The following SH2B1 variants were observed in gnomAD, a reference collection of about 807,000 sequenced individuals.
SH2B1 encodes the protein SH2B adapter protein 1.
A neutral mutation model predicts 62.6 loss-of-function variants in SH2B1; 15 were observed. The ratio of observed to expected loss-of-function variants is 0.24; its 90% CI spans 0.16 to 0.37. The LOEUF (loss-of-function observed/expected upper bound fraction) is 0.37. Ranked by LOEUF, SH2B1 falls within the 10% of genes least tolerant of loss-of-function variation. The pLI is 1.00. For missense variants in SH2B1, 925 were observed against 1,015.6 expected, an observed-to-expected ratio of 0.91 and a Z score of 1.21; for synonymous variants, 443 against 438.0, an observed-to-expected ratio of 1.01 and a Z score of -0.14.
chr16:28,870,916 G>A (rs1232881142), intron 4 of SH2B1, among the ~76,000 whole-genome samples: 1 of 151,730 alleles, frequency 6.6e-6, no homozygotes, highest in Admixed American at 6.6e-5. Context: ...TGAACTCCTG[G>A]GCTCAAGTCA....
At position 28,866,456 on chromosome 16, in the gene SH2B1, G is replaced by C; in HGVS notation, c.362G>C (p.Gly121Ala). ...CRVGGPLAVLGPSRSSEDLAG... is the reference protein window; with the variant it reads ...CRVGGPLAVLAPSRSSEDLAG... ...GTGGGTGGGCCCCTGGCTGTGCTGG[G>C]CCCTTCTCGATCATCTGAGGACCTG... is the stretch of plus-strand genomic sequence containing the variant. Residue 121 changes from glycine to alanine, a missense_variant, in exon 1 of 8, where the codon GGC becomes GCC. Physicochemically the swap from Gly to Ala is moderately conservative, Grantham distance 60. This residue lies in a region of SH2B1 where 683 missense variants were observed against 704.0 expected (regional missense o/e 0.97). Transcript: ENST00000684370. This position sits in a 1 kb window ranked among gnomAD's most constrained non-coding sequence, Gnocchi z 6.3. 6.2e-7 allele frequency: 1 copy of C among 1,613,848 alleles called. No individual in the cohort carries two copies. The highest frequency in any genetic ancestry group is 8.5e-7 in the Non-Finnish European group (1 of 1,179,992).
chr16:28,864,240 A>G lies in SH2B1; in HGVS notation c.-1855A>G. 3 of 1,018,952 alleles carry G rather than the reference A, an allele frequency of 2.9e-6. No homozygotes were observed. Among genetic ancestry groups the G allele is most frequent in the South Asian group, 3.7e-5 (1 of 27,386 alleles). The allele number at this position is 1,018,952 out of a possible 1,614,324, so 63.1% of individuals were successfully genotyped here. On this transcript the variant is annotated 5_prime_UTR_variant, in exon 1 of 8. Coordinates refer to ENST00000684370, the MANE Select transcript of SH2B1 (RefSeq NM_001387430.1). ...CACCCTCCACCTCCCGCCCTTCGGG[A>G]AATATCAGAACTGAGCCAGGAGGCA...
At chr16:28,868,600 C>CA (rs1268697027) in intron 2 of SH2B1, among the ~76,000 whole-genome samples, 1 of 152,094 alleles carries the variant, frequency 6.6e-6, no homozygotes, top group African/African-American at 2.4e-5. Context: ...GCTGGGACTA[C>CA]AGGCGCCTGC....
In SH2B1 at chr16:28,852,758, GTATATATATATTTA is replaced by G. The variant is rs1234891699; in HGVS notation, c.-301+5941_-301+5954del. On this transcript the variant is annotated intron_variant, in intron 1 of 10. Transcript: ENST00000322610. ...TACATATATATATTTACATATATAT[GTATATATATATTTA>G]TATATATATTTACATATATATTTAC... Among the ~76,000 whole-genome samples the G allele has an allele frequency of 5.0e-3, 189 of 37,974 alleles. 11 individuals are homozygous for G. The highest frequency in any genetic ancestry group is 8.2e-3 in the East Asian group (17 of 2,076). 24.9% of individuals were successfully genotyped at this position (37,974 alleles called of 152,430 possible).
upstream of SH2B1, chr16:28,863,547 A>T: frequency 1.2e-6 from 1 of 828,096 alleles, no homozygotes; most frequent in Non-Finnish European, 1.8e-6. Flanking sequence ...GGGCCCTGGG[A>T]CTCTATCCCC....
chr16:28,860,728 C>A (rs1962424750), upstream of SH2B1, among the ~76,000 whole-genome samples: 1 of 152,172 alleles, frequency 6.6e-6, no homozygotes, highest in African/African-American at 2.4e-5. Flanking sequence ...GCCCATTTCC[C>A]CCCGACACAC....
chr16:28,870,368 A>C (rs1962961978), intron 4 of SH2B1, among the ~76,000 whole-genome samples: 1 of 152,130 alleles, frequency 6.6e-6, no homozygotes, highest in African/African-American at 2.4e-5. Flanking sequence ...GGAGGAAGAG[A>C]GCAGGGGAAG....
At chr16:28,853,152 A>G (rs1198851842) in intron 1 of SH2B1, among the ~76,000 whole-genome samples, 1 of 134,544 alleles carries the variant, frequency 7.4e-6, no homozygotes, top group African/African-American at 2.8e-5. Flanking sequence ...AAATATATAT[A>G]AATGTATATA....
chr16:28,865,623 A>G lies in SH2B1; in HGVS notation c.-472A>G. ...GAGGTCTTTGAAACCTCTCAGGGAA[A>G]GGTAAGATAACCAAGTGGGAGCCTC... is the stretch of plus-strand genomic sequence containing the variant. On this transcript the variant is annotated 5_prime_UTR_variant, in exon 1 of 8. Transcript: ENST00000684370. 1.0e-6 allele frequency: 1 copy of G among 987,952 alleles called. No homozygotes were observed. Among genetic ancestry groups the G allele is most frequent in the Non-Finnish European group, 1.2e-6 (1 of 831,806 alleles). The allele number at this position is 987,952 out of a possible 1,614,324, so 61.2% of individuals were successfully genotyped here. A position where few individuals can be genotyped will look rare whatever the true frequency, so the allele number is the denominator to read the frequency against.
rs1352369053 is a variant in SH2B1, at chr16:28,872,200, G to A, written c.1524G>A (p.Leu508=). The change falls in exon 6 of 8, where the codon CTG becomes CTA. Residue 508 remains leucine (L), a synonymous_variant. Transcript: ENST00000684370. This position sits in a 1 kb window ranked among gnomAD's most constrained non-coding sequence, Gnocchi z 5.3. ...CTCTCCTTCCTGAAGGGTCCTTCCT[G>A]TTCCAGGGGGAGCCAGAGGGCGGTG... ...DTPETATGSF[L]FQGEPEGGEG... 1 of 1,613,134 alleles carries A rather than the reference G, an allele frequency of 6.2e-7. No individual in the cohort carries two copies. The highest frequency in any genetic ancestry group is 1.7e-5 in the Admixed American group (1 of 59,976).
At chr16:28,867,456 C>T (rs1490523123) in intron 2 of SH2B1, 24 bp downstream of exon 2, 1 of 1,562,634 alleles carries the variant, frequency 6.4e-7, no homozygotes, top group South Asian at 1.1e-5. Flanking sequence ...TTCCCAGCCG[C>T]CGGCAGTGCT....
Position 28,869,366 on chromosome 16 carries a change from A to G in SH2B1, c.1292A>G (p.Asn431Ser). Residue 431 changes from asparagine to serine, a missense_variant, in exon 4 of 8, where the codon AAT becomes AGT. Physicochemically the swap from Asn to Ser is conservative, Grantham distance 46. This residue lies in a region of SH2B1 where 683 missense variants were observed against 704.0 expected (regional missense o/e 0.97). Transcript: ENST00000684370. ...QDLLLGPSES[N>S]DRLSQGAYGG... ...CTGCTGCTTGGACCCAGCGAGAGCA[A>G]TGACCGCCTGTCGCAGGGTAAGGGT... 3.1e-6 allele frequency: 5 copies of G among 1,613,744 alleles called. No homozygotes were observed. Among genetic ancestry groups the G allele is most frequent in the Non-Finnish European group, 3.4e-6 (4 of 1,179,864 alleles).
intron 1 of SH2B1, among the ~76,000 whole-genome samples, chr16:28,848,255 C>T (rs1390557731): frequency 6.6e-6 from 1 of 151,936 alleles, no homozygotes; most frequent in Non-Finnish European, 1.5e-5. Flanking sequence ...CTGGGCAACA[C>T]GGTGAAACTC....
rs118131240 is a variant in SH2B1, at chr16:28,874,133, A to C, written c.*313A>C. On this transcript the variant is annotated 3_prime_UTR_variant, in exon 8 of 8. Transcript: ENST00000684370. The stretch of plus-strand genomic sequence containing the variant: ...GTGAGGGGGAAGGGCTGTCAGTTAC[A>C]TTAAGGTGGTTGTTGTTGTTGTTTT... 258 of 313,498 alleles carry C rather than the reference A, an allele frequency of 8.2e-4. 5 individuals carry two copies. The East Asian group carries it at 0.013, about 16-fold the overall frequency. 19.4% of individuals were successfully genotyped at this position (313,498 alleles called of 1,614,324 possible).
intron 1 of SH2B1, among the ~76,000 whole-genome samples, chr16:28,853,142 A>G (rs942038884): frequency 7.6e-6 from 1 of 131,892 alleles, no homozygotes; most frequent in African/African-American, 2.9e-5. Flanking sequence ...ACATTTATAT[A>G]AATATATATA....
intron 1 of SH2B1, among the ~76,000 whole-genome samples, chr16:28,853,156 GTATA>G (rs1175529625): frequency 7.9e-6 from 1 of 126,298 alleles, no homozygotes; most frequent in African/African-American, 3.1e-5. Context: ...ATATATAAAT[GTATA>G]TATAAATATA....
rs750252825 is a variant in SH2B1 at position 28,866,611 on chromosome 16, C to T, written c.517C>T (p.Arg173Trp). 4.3e-6 allele frequency: 7 copies of T among 1,613,752 alleles called. No homozygotes were observed. Among genetic ancestry groups the T allele is most frequent in the African/African-American group, 4.0e-5 (3 of 74,876 alleles). The change falls in exon 1 of 8, where the codon CGG (arginine) becomes TGG (tryptophan). Residue 173 changes from arginine (R) to tryptophan (W), a missense_variant. Physicochemically the swap from Arg to Trp is moderately radical, Grantham distance 101. This residue lies in a region of SH2B1 where 683 missense variants were observed against 704.0 expected (regional missense o/e 0.97). Coordinates refer to ENST00000684370, the MANE Select transcript of SH2B1 (RefSeq NM_001387430.1). This position sits in a 1 kb window ranked among gnomAD's most constrained non-coding sequence, Gnocchi z 6.3. ...RGSVRGILQW[R>W]GTVDPPSSAG... ...CTCAGTCCGTGGCATCCTGCAGTGG[C>T]GGGGGACCGTTGACCCTCCCTCCTC...
chr16:28,861,956 C>T (rs1962457713), upstream of SH2B1, among the ~76,000 whole-genome samples: 1 of 152,210 alleles, frequency 6.6e-6, no homozygotes, highest in African/African-American at 2.4e-5. Context: ...GAGAGGAGAG[C>T]CTGCCTGAGG....
upstream of SH2B1, among the ~76,000 whole-genome samples, chr16:28,860,004 G>C (rs1338575129): frequency 6.6e-6 from 1 of 151,674 alleles, no homozygotes; most frequent in Non-Finnish European, 1.5e-5. Flanking sequence ...TAATGCCTTG[G>C]CTTAACCTGG....
Sources: allele counts gnomAD v4.1 joint callset (sites outside exome capture counted in the v4.1 genomes callset), GRCh38; gene constraint gnomAD v4.1.1; regional missense constraint gnomAD v4.1.1; non-coding constraint Gnocchi (gnomAD v3.1); transcripts MANE v1.5; gene names NCBI Gene and HGNC (gene_info 2026-07-23, HGNC 2026-07-21).